Variants in AFF4 observed in about 807,000 individuals in gnomAD.
The protein encoded by AFF4 is ALF transcription elongation factor 4.
A neutral mutation model predicts 124.8 loss-of-function variants in AFF4; 13 were observed. The ratio of observed to expected loss-of-function variants is 0.10; its 90% confidence interval spans 0.07 to 0.17. The LOEUF (loss-of-function observed/expected upper bound fraction) is 0.17, where lower values mean the gene tolerates loss of function less well. Ranked by LOEUF, AFF4 falls within the 10% of genes least tolerant of loss-of-function variation. AFF4 has a pLI of 1.00. For synonymous variants in AFF4, 477 were observed against 496.1 expected (o/e 0.96, Z 0.51); for missense variants, 1,092 against 1,403.8 (o/e 0.78, Z 3.55).
At chr5:132,957,605 C>T (rs970829181) in intron 1 of AFF4, among the ~76,000 whole-genome samples, 2 of 151,746 alleles carry the variant, frequency 1.3e-5, no homozygotes, top group African/African-American at 2.4e-5. Context: ...TGGTGGCAGG[C>T]GCCTGTAGAC....
intron 9 of AFF4, 115 bp downstream of exon 9, chr5:132,898,989 T>C: frequency 1.1e-6 from 1 of 925,114 alleles, no homozygotes; most frequent in Non-Finnish European, 1.7e-6. Context: ...TTTACAGAAT[T>C]GTACAACCAT....
At chr5:132,939,604 T>C (rs1761519102) in intron 1 of AFF4, among the ~76,000 whole-genome samples, 1 of 152,208 alleles carries the variant, frequency 6.6e-6, no homozygotes, top group Non-Finnish European at 1.5e-5. Context: ...CTGAAAGATC[T>C]GCAACTTCTT....
chr5:132,885,466 GGGGTGGGTGGGT>G (rs528503753), intron 18 of AFF4, among the ~76,000 whole-genome samples: 22 of 117,494 alleles, frequency 1.9e-4, no homozygotes, highest in African/African-American at 3.8e-4. Flanking sequence ...TCTTAAAAAA[GGGGTGGGTGGGT>G]GGGTGGGTGG....
At chr5:132,917,705 C>CTTTTTTTTTT (rs58145774) in intron 5 of AFF4, among the ~76,000 whole-genome samples, 29 of 74,048 alleles carry the variant, frequency 3.9e-4, no homozygotes, top group Non-Finnish European at 6.1e-4. Context: ...CTTTTCTTTT[C>CTTTTTTTTTT]TTTTTTTTTT....
intron 1 of AFF4, among the ~76,000 whole-genome samples, chr5:132,938,131 C>T (rs1445471102): frequency 6.6e-6 from 1 of 151,430 alleles, no homozygotes; most frequent in East Asian, 1.9e-4. Flanking sequence ...AAAAGGCTCA[C>T]TGGAGCCCAG....
rs749938206 is a variant in AFF4, at chr5:132,893,122, G to C, written c.2308-4C>G. ...TGGCTCGGTTATCATCTTCATTCTAGATGAAAAATAGAAACCGTGGTCTGA... is the reference window on the plus strand; with the variant it reads ...TGGCTCGGTTATCATCTTCATTCTACATGAAAAATAGAAACCGTGGTCTGA... On this transcript the variant is annotated splice_region_variant and splice_polypyrimidine_tract_variant and intron_variant, in intron 11 of 20. Transcript: ENST00000265343. 7.4e-6 allele frequency: 12 copies of C among 1,613,216 alleles called. No homozygotes were observed. Among genetic ancestry groups the C allele is most frequent in the Non-Finnish European group, 9.3e-6 (11 of 1,179,430 alleles).
At position 132,875,551 on chromosome 5, in the gene AFF4, T is replaced by G. The variant is rs1347761914; in HGVS notation, c.*5508A>C. Reference sequence around the variant, plus strand: ...CTCCAAATATTTTAATTGCCATAAATTTGTTTAAAAATACACATTAAACGC... The same window carrying G: ...CTCCAAATATTTTAATTGCCATAAAGTTGTTTAAAAATACACATTAAACGC... On this transcript the variant is annotated 3_prime_UTR_variant, in exon 21 of 21. Transcript: ENST00000265343. 5.2e-6 allele frequency: 1 copy of G among 191,228 alleles called. No individual in the cohort carries two copies. The highest frequency in any genetic ancestry group is 1.1e-5 in the Non-Finnish European group (1 of 91,202). The allele number at this position is 191,228 out of a possible 1,614,324, so 11.8% of individuals were successfully genotyped here.
intron 9 of AFF4, 79 bp downstream of exon 9, chr5:132,899,025 G>A: frequency 8.0e-7 from 1 of 1,246,688 alleles, no homozygotes; most frequent in Non-Finnish European, 1.2e-6. Context: ...TTACTTATAA[G>A]GCCACTTATT....
chr5:132,917,771 G>A (rs1760949033), intron 5 of AFF4, among the ~76,000 whole-genome samples: 1 of 133,500 alleles, frequency 7.5e-6, no homozygotes, highest in East Asian at 2.3e-4. Flanking sequence ...GGAGTGCAAT[G>A]GCGCAATCTC....
chr5:132,926,518 T>C (rs1761173817), intron 5 of AFF4, among the ~76,000 whole-genome samples: 1 of 151,158 alleles, frequency 6.6e-6, no homozygotes, highest in African/African-American at 2.4e-5. Context: ...ACCATAATAG[T>C]CTGCAATAAA....
intron 4 of AFF4, among the ~76,000 whole-genome samples, chr5:132,929,924 G>C (rs1360848208): frequency 2.0e-5 from 3 of 152,138 alleles, no homozygotes; most frequent in Non-Finnish European, 4.4e-5. Flanking sequence ...TGAAGCTCAA[G>C]GCGGCAGAAA....
chr5:132,959,880 T>C lies in AFF4; in HGVS notation c.-5+3379A>G, dbSNP rs1397884405. Reference sequence around the variant, plus strand: ...CCTGGGTTCACGCCATTCTGCTGCCTCAGCCTCCCAAGTAGCTGGGACTAC... The same window carrying C: ...CCTGGGTTCACGCCATTCTGCTGCCCCAGCCTCCCAAGTAGCTGGGACTAC... On this transcript the variant is annotated intron_variant, in intron 1 of 20. Transcript: ENST00000265343. 2.0e-5 allele frequency among the ~76,000 whole-genome samples: 3 copies of C among 147,150 alleles called. No individual in the cohort carries two copies. In the Admixed American group the frequency reaches 2.1e-4, roughly 10 times the overall value.
At chr5:132,894,690 G>A (rs1760343168) in intron 11 of AFF4, among the ~76,000 whole-genome samples, 1 of 152,170 alleles carries the variant, frequency 6.6e-6, no homozygotes, top group African/African-American at 2.4e-5. Context: ...GGCCAGGTGT[G>A]GTGGCTGACA....
intron 5 of AFF4, chr5:132,926,826 C>T: frequency 4.7e-6 from 1 of 214,586 alleles, no homozygotes; most frequent in East Asian, 1.6e-4. Flanking sequence ...TTCCAAAGTG[C>T]TGGGATTACA....
intron 13 of AFF4, among the ~76,000 whole-genome samples, chr5:132,889,680 C>A (rs1193703843): frequency 1.3e-5 from 2 of 152,208 alleles, no homozygotes; most frequent in Non-Finnish European, 2.9e-5. Context: ...GGTTGAGTAA[C>A]TTGCCTAAGT....
intron 1 of AFF4, among the ~76,000 whole-genome samples, chr5:132,939,160 T>C (rs967287578): frequency 1.4e-5 from 2 of 146,214 alleles, no homozygotes; most frequent in Non-Finnish European, 3.0e-5. Flanking sequence ...GAGGTTGCAG[T>C]GAGCCATGAT....
intron 13 of AFF4, chr5:132,891,948 T>C (rs1368326469): frequency 2.9e-6 from 2 of 690,886 alleles, no homozygotes; most frequent in East Asian, 2.7e-5. Flanking sequence ...TACCCAAGGG[T>C]TTTTCTTTCA....
intron 1 of AFF4, among the ~76,000 whole-genome samples, chr5:132,946,735 G>A (rs1761705306): frequency 1.3e-5 from 2 of 152,062 alleles, no homozygotes; most frequent in Non-Finnish European, 2.9e-5. Flanking sequence ...CACTGTGAAT[G>A]TACTTAATGC....
At chr5:132,897,265 C>T in intron 10 of AFF4, 25 bp from the exon 11 acceptor site, 1 of 1,597,752 alleles carries the variant, frequency 6.3e-7, no homozygotes, top group Non-Finnish European at 8.5e-7. Flanking sequence ...AATATGTATG[C>T]TTTTTTCGAT....
Sources: gnomAD v4.1 joint callset for allele counts (sites outside exome capture counted in the v4.1 genomes callset) on GRCh38, gnomAD v4.1.1 for gene constraint, MANE v1.5 for transcripts, NCBI Gene and HGNC (gene_info 2026-07-23, HGNC 2026-07-21) for gene names.